Variants in NSRP1 observed in about 807,000 individuals in gnomAD.
NSRP1 encodes nuclear speckle splicing regulatory protein 1, also known as coiled-coil domain containing 55.
NSRP1 carries 24 observed loss-of-function variants against 54.7 expected under a neutral mutation model. The observed-to-expected ratio is 0.44, with a 90% CI of 0.32 to 0.62. The LOEUF (loss-of-function observed/expected upper bound fraction) is 0.62, where lower values mean the gene tolerates loss of function less well. NSRP1 is among the 20% of genes least tolerant of loss of function. The probability of loss-of-function intolerance (pLI) is 0.06; values close to 1 mark genes in which losing one functional copy is unlikely to be tolerated. For missense variants in NSRP1, 596 were observed against 651.2 expected, an observed-to-expected ratio of 0.92 and a Z score of 0.92; for synonymous variants, 210 against 213.8, an observed-to-expected ratio of 0.98 and a Z score of 0.15.
At position 30,185,936 on chromosome 17, in the gene NSRP1, A is replaced by G. The variant is rs1203238201; in HGVS notation, c.*262A>G. ...CGTTAAGAGTGTGCTAATTCCCTGT[A>G]GGTACATAATGAGGAAAATTTGCTC... is the stretch of plus-strand genomic sequence containing the variant. On this transcript the variant is annotated 3_prime_UTR_variant, in exon 7 of 7. Transcript: ENST00000247026. 1 of 265,342 alleles carries G rather than the reference A, an allele frequency of 3.8e-6. No individual in the cohort carries two copies. 16.4% of individuals were successfully genotyped at this position (265,342 alleles called of 1,614,324 possible).
rs114565977 is a variant in NSRP1 at position 30,157,133 on chromosome 17, T to C, written c.115-15409T>C. Among the ~76,000 whole-genome samples the C allele has an allele frequency of 4.1e-3, 618 of 152,330 alleles. 4 individuals are homozygous for C. The highest frequency in any genetic ancestry group is 0.014 in the African/African-American group (569 of 41,570). On this transcript the variant is annotated intron_variant, in intron 2 of 6. Transcript: ENST00000247026. ...TACAGTGTATGAGAGCTCCTTTTAC[T>C]CTGCATCCTTGCCAGCATCTGTTAG... is the stretch of plus-strand genomic sequence containing the variant.
At chr17:30,128,354 A>T (rs1469289306) in intron 2 of NSRP1, 1 of 151,960 alleles carries the variant, frequency 6.6e-6, no homozygotes, top group Non-Finnish European at 1.5e-5. Context: ...CATTAAAAAT[A>T]CTCAATTTTA....
In NSRP1 at chr17:30,186,300, CTAA is replaced by C. The variant is rs1270134408; in HGVS notation, c.*631_*633del. On this transcript the variant is annotated 3_prime_UTR_variant, in exon 7 of 7. Transcript: ENST00000247026. ...TTTTTAAATAAATAATTTAACTCTT[CTAA>C]TAATGTTTTGTTGCAGGAAATGTAT... The C allele has an allele frequency of 6.6e-6, 1 of 151,992 alleles. No homozygotes were observed. Among genetic ancestry groups the C allele is most frequent in the African/African-American group, 2.4e-5 (1 of 41,382 alleles). The allele number at this position is 151,992 out of a possible 1,614,324, so 9.4% of individuals were successfully genotyped here. A position where few individuals can be genotyped will look rare whatever the true frequency, so the allele number is the denominator to read the frequency against.
intron 4 of NSRP1, 106 bp from the exon 5 acceptor site, chr17:30,178,984 C>G: frequency 1.3e-5 from 8 of 623,344 alleles, no homozygotes; most frequent in Non-Finnish European, 2.0e-5. Flanking sequence ...GGAAGACAAT[C>G]TTATTTGGGC....
At chr17:30,177,435 G>T (rs896113994) in intron 3 of NSRP1, among the ~76,000 whole-genome samples, 8 of 151,906 alleles carry the variant, frequency 5.3e-5, no homozygotes, top group African/African-American at 1.9e-4. Context: ...GAGTTTAGAA[G>T]AAAGATCATT....
intron 2 of NSRP1, among the ~76,000 whole-genome samples, chr17:30,141,120 T>G (rs2071801325): frequency 2.0e-5 from 3 of 152,262 alleles, no homozygotes; most frequent in African/African-American, 4.8e-5. Flanking sequence ...CTGGCTAGAA[T>G]CAGCTTTTTG....
At chr17:30,117,452 C>T (rs1214078265) in intron 1 of NSRP1, 8 of 424,896 alleles carry the variant, frequency 1.9e-5, no homozygotes, top group Non-Finnish European at 3.3e-5. Context: ...GTGATCTCCG[C>T]ATCTTAAAGG....
intron 2 of NSRP1, among the ~76,000 whole-genome samples, chr17:30,124,321 T>C (rs984495184): frequency 6.6e-6 from 1 of 152,208 alleles, no homozygotes; most frequent in Non-Finnish European, 1.5e-5. Context: ...TTGAGAAGGA[T>C]GGGTTTACAC....
At chr17:30,178,291 C>T in intron 4 of NSRP1, 92 bp downstream of exon 4, 1 of 1,434,272 alleles carries the variant, frequency 7.0e-7, no homozygotes, top group Non-Finnish European at 9.4e-7. Context: ...TGAGAAAAAG[C>T]TTTTAGGTAT....
chr17:30,179,379 A>AC (rs774804437), intron 5 of NSRP1, 82 bp downstream of exon 5: 62 of 1,433,228 alleles, frequency 4.3e-5, no homozygotes, highest in Middle Eastern at 1.8e-4. Flanking sequence ...CTGTCACTGA[A>AC]CTTTAGGGTT....
At chr17:30,137,542 C>A (rs2071761150) in intron 2 of NSRP1, among the ~76,000 whole-genome samples, 1 of 152,228 alleles carries the variant, frequency 6.6e-6, no homozygotes, top group Admixed American at 6.5e-5. Flanking sequence ...GGAGCCACAG[C>A]CGTCCACAAT....
intron 2 of NSRP1, among the ~76,000 whole-genome samples, chr17:30,167,151 G>A (rs1186034945): frequency 6.6e-6 from 1 of 151,938 alleles, no homozygotes; most frequent in African/African-American, 2.4e-5. Flanking sequence ...TTATCTTTTT[G>A]TGTGTGGCTT....
At chr17:30,163,763 CCT>C (rs1904626741) in intron 2 of NSRP1, among the ~76,000 whole-genome samples, 1 of 147,362 alleles carries the variant, frequency 6.8e-6, no homozygotes, top group Admixed American at 7.1e-5. Context: ...CTCACTGCAA[CCT>C]CCACCTCCTG....
At chr17:30,176,013 A>C (rs886970351) in intron 3 of NSRP1, among the ~76,000 whole-genome samples, 5 of 151,598 alleles carry the variant, frequency 3.3e-5, no homozygotes, top group African/African-American at 1.2e-4. Flanking sequence ...CCCCCCCCAA[A>C]AAAAAAGAAA....
chr17:30,168,537 A>T (rs530659082), intron 2 of NSRP1, among the ~76,000 whole-genome samples: 1 of 150,366 alleles, frequency 6.7e-6, no homozygotes, highest in African/African-American at 2.4e-5. Context: ...TTATCTGAAA[A>T]CAATCACGTT....
In NSRP1 at chr17:30,183,758, TTAATA is replaced by T. The variant is rs540712975; in HGVS notation, c.618-854_618-850del. Among the ~76,000 whole-genome samples the T allele has an allele frequency of 3.8e-3, 577 of 152,310 alleles. 2 individuals are homozygous for T. The highest frequency in any genetic ancestry group is 6.8e-3 in the Non-Finnish European group (462 of 68,030). On this transcript the variant is annotated intron_variant, in intron 6 of 6. Transcript: ENST00000247026. ...AGTATTGTTGATTCTAATGGACAAA[TTAATA>T]TATTTCCATTTTGTTGTGATAGGTG... is the stretch of plus-strand genomic sequence containing the variant.
chr17:30,144,050 CTG>C (rs2071829950), intron 2 of NSRP1: 1 of 151,758 alleles, frequency 6.6e-6, no homozygotes, highest in Non-Finnish European at 1.5e-5. Flanking sequence ...ATATTGAAAA[CTG>C]TATTCTGATT....
chr17:30,126,628 G>A (rs1017761468), intron 2 of NSRP1, among the ~76,000 whole-genome samples: 1 of 151,464 alleles, frequency 6.6e-6, no homozygotes, highest in African/African-American at 2.4e-5. Context: ...TTGTTCTATT[G>A]CCCAGGCTGG....
In NSRP1 at chr17:30,181,735, T is replaced by C. The variant is rs113066299; in HGVS notation, c.617+719T>C. Among the ~76,000 whole-genome samples the C allele has an allele frequency of 1.0e-3, 159 of 151,964 alleles. 1 individual carries two copies. Among genetic ancestry groups the C allele is most frequent in the African/African-American group, 3.6e-3 (151 of 41,452 alleles). On this transcript the variant is annotated intron_variant, in intron 6 of 6. Coordinates refer to ENST00000247026, the MANE Select transcript of NSRP1 (RefSeq NM_032141.4). Reference sequence around the variant, plus strand: ...AAGGGATTCTCGTGCCTCAGCTTCCTGAGTAGCTGGGACTATAGGTGCATG... The same window carrying C: ...AAGGGATTCTCGTGCCTCAGCTTCCCGAGTAGCTGGGACTATAGGTGCATG...
Sources: allele counts gnomAD v4.1 joint callset (sites outside exome capture counted in the v4.1 genomes callset), GRCh38; gene constraint gnomAD v4.1.1; transcripts MANE v1.5; gene names NCBI Gene and HGNC (gene_info 2026-07-23, HGNC 2026-07-21).